PRDM16: variants seen among roughly 807,000 people sequenced by gnomAD.
PRDM16 encodes the protein PR/SET domain 16.
A neutral mutation model predicts 110.6 loss-of-function variants in PRDM16; 23 were observed. The ratio of observed to expected loss-of-function variants is 0.21; its 90% CI spans 0.15 to 0.29. PRDM16 has a LOEUF of 0.29. Ranked by LOEUF, PRDM16 falls within the 10% of genes least tolerant of loss-of-function variation. The pLI is 1.00. For missense variants in PRDM16, 1,615 were observed against 1,794.3 expected (o/e 0.90, Z 1.81); for synonymous variants, 799 against 781.8 (o/e 1.02, Z -0.37).
intron 8 of PRDM16, among the ~76,000 whole-genome samples, chr1:3,409,784 T>C (rs541331734): frequency 7.5e-6 from 1 of 133,598 alleles, no homozygotes; most frequent in Non-Finnish European, 1.6e-5. Flanking sequence ...TGTGTGGGTG[T>C]GTGGTGTGGG....
At chr1:3,087,045 C>G (rs1455848504) in intron 1 of PRDM16, among the ~76,000 whole-genome samples, 1 of 152,198 alleles carries the variant, frequency 6.6e-6, no homozygotes, top group East Asian at 1.9e-4. Context: ...GCGACATGCT[C>G]GTAGTTCATA....
chr1:3,137,327 C>T (rs920109821), intron 1 of PRDM16, among the ~76,000 whole-genome samples: 4 of 152,226 alleles, frequency 2.6e-5, no homozygotes, highest in Admixed American at 6.5e-5. Context: ...GATTTAGATG[C>T]GAGCCTGTCA....
intron 3 of PRDM16, among the ~76,000 whole-genome samples, chr1:3,331,046 T>G (rs998063390): frequency 3.3e-5 from 5 of 152,152 alleles, no homozygotes; most frequent in African/African-American, 9.7e-5. Flanking sequence ...AACCCCACAT[T>G]GACAGGCCCC....
intron 3 of PRDM16, among the ~76,000 whole-genome samples, chr1:3,313,906 C>G (rs942435044): frequency 3.9e-5 from 6 of 152,254 alleles, no homozygotes; most frequent in Admixed American, 1.3e-4. Flanking sequence ...GAACACTGTT[C>G]GCGCCCTGGC....
chr1:3,423,666 G>C (rs948595647), intron 12 of PRDM16, among the ~76,000 whole-genome samples: 3 of 152,176 alleles, frequency 2.0e-5, no homozygotes, highest in Non-Finnish European at 4.4e-5. Context: ...GTCCTCTGTG[G>C]GAACGAAGGC....
At chr1:3,347,123 T>G (rs528259441) in intron 3 of PRDM16, among the ~76,000 whole-genome samples, 1 of 150,968 alleles carries the variant, frequency 6.6e-6, no homozygotes, top group East Asian at 2.0e-4. Context: ...GTGGAGGGGG[T>G]CAGTGTACAG....
chr1:3,074,564 GACT>G (rs1241550707), intron 1 of PRDM16, among the ~76,000 whole-genome samples: 1 of 152,154 alleles, frequency 6.6e-6, no homozygotes. Context: ...CTGCAGGCTG[GACT>G]CCCGCTGGGC....
chr1:3,302,184 T>C (rs1005395533), intron 3 of PRDM16, among the ~76,000 whole-genome samples: 6 of 152,194 alleles, frequency 3.9e-5, no homozygotes, highest in Non-Finnish European at 8.8e-5. Flanking sequence ...TTATTCTACA[T>C]GTGGTTCTGC....
intron 14 of PRDM16, among the ~76,000 whole-genome samples, chr1:3,428,092 AG>A (rs1291483580): frequency 3.3e-5 from 5 of 152,182 alleles, no homozygotes; most frequent in African/African-American, 9.7e-5. Context: ...GGGTGGGCCC[AG>A]GACCAGGAGC....
At chr1:3,420,627 C>T (rs149463556) in intron 12 of PRDM16, among the ~76,000 whole-genome samples, 58 of 152,296 alleles carry the variant, frequency 3.8e-4, no homozygotes, top group African/African-American at 1.3e-3. Context: ...AGGTAGGGAA[C>T]GTAGAGCCTT....
chr1:3,075,654 A>T (rs548668187), intron 1 of PRDM16, among the ~76,000 whole-genome samples: 1 of 152,396 alleles, frequency 6.6e-6, no homozygotes, highest in East Asian at 1.9e-4. Context: ...GGTCCTAGTG[A>T]CTATTTCATC....
intron 1 of PRDM16, among the ~76,000 whole-genome samples, chr1:3,142,732 A>G (rs1369588030): frequency 2.0e-5 from 3 of 151,604 alleles, no homozygotes; most frequent in Non-Finnish European, 4.4e-5. Flanking sequence ...GGACCGTATT[A>G]ACTGGAAGCC....
At position 3,381,591 on chromosome 1, in the gene PRDM16, A is replaced by G. The variant is rs1426953452; in HGVS notation, c.439-3561A>G. 2.6e-5 allele frequency among the ~76,000 whole-genome samples: 4 copies of G among 152,130 alleles called. No homozygotes were observed. In the East Asian group the frequency reaches 5.8e-4, roughly 22 times the overall value. On this transcript the variant is annotated intron_variant, in intron 3 of 16. Coordinates refer to ENST00000270722, the MANE Select transcript of PRDM16 (RefSeq NM_022114.4). ...TTTTTAGTAGAGACGGGGTTTCCCC[A>G]TGTTGGCCAGCCTGGTCTTGAACTC...
chr1:3,112,139 G>A (rs1642810319), intron 1 of PRDM16, among the ~76,000 whole-genome samples: 2 of 152,158 alleles, frequency 1.3e-5, no homozygotes, highest in African/African-American at 4.8e-5. Context: ...CTTATTTTTG[G>A]GGGTGAATTC....
intron 1 of PRDM16, among the ~76,000 whole-genome samples, chr1:3,173,353 G>A (rs2817130): frequency 2.7e-4 from 41 of 152,384 alleles, no homozygotes; most frequent in African/African-American, 7.5e-4. Flanking sequence ...TGCCCGGGGC[G>A]ATGGAGGCGG....
chr1:3,357,760 T>G (rs1642637464), intron 3 of PRDM16, among the ~76,000 whole-genome samples: 1 of 152,244 alleles, frequency 6.6e-6, no homozygotes, highest in African/African-American at 2.4e-5. Context: ...CAGGGGACAC[T>G]GGCAACACCT....
chr1:3,142,316 A>G (rs1342374259), intron 1 of PRDM16, among the ~76,000 whole-genome samples: 1 of 152,244 alleles, frequency 6.6e-6, no homozygotes, highest in Non-Finnish European at 1.5e-5. Context: ...GGCTGTGCTA[A>G]CAAGCAGCAG....
chr1:3,277,802 C>G (rs867856084), intron 3 of PRDM16, among the ~76,000 whole-genome samples: 3 of 152,332 alleles, frequency 2.0e-5, no homozygotes, highest in South Asian at 4.1e-4. Flanking sequence ...CACAAACGCA[C>G]AGTTGTGAAC....
chr1:3,108,915 A>C (rs1309272483), intron 1 of PRDM16, among the ~76,000 whole-genome samples: 2 of 150,016 alleles, frequency 1.3e-5, no homozygotes, highest in African/African-American at 4.9e-5. Flanking sequence ...AAAAAAAAAA[A>C]ATACAAAAAT....
Sources: allele counts gnomAD v4.1 joint callset (sites outside exome capture counted in the v4.1 genomes callset), GRCh38; gene constraint gnomAD v4.1.1; transcripts MANE v1.5; gene names NCBI Gene and HGNC (gene_info 2026-07-23, HGNC 2026-07-21).